DNAI1: variants seen among roughly 807,000 people sequenced by gnomAD.
DNAI1 encodes dynein axonemal intermediate chain 1.
A neutral mutation model predicts 92.0 loss-of-function variants in DNAI1; 67 were observed. The ratio of observed to expected loss-of-function variants is 0.73; its 90% confidence interval spans 0.60 to 0.89. DNAI1 has a LOEUF of 0.89. DNAI1 is among the 40% of genes least tolerant of loss of function. DNAI1 has a pLI of 0.00. For missense variants in DNAI1, 839 were observed against 866.6 expected, an observed-to-expected ratio of 0.97 and a Z score of 0.40; for synonymous variants, 323 against 319.6, an observed-to-expected ratio of 1.01 and a Z score of -0.11.
In DNAI1 at chr9:34,491,568, C is replaced by A. The variant is rs773719732; in HGVS notation, c.681+14C>A. The A allele has an allele frequency of 6.2e-7, 1 of 1,614,094 alleles. No individual in the cohort carries two copies. Among genetic ancestry groups the A allele is most frequent in the Admixed American group, 1.7e-5 (1 of 60,030 alleles). The stretch of plus-strand genomic sequence containing the variant: ...ACAGCCAATCAGGTAAGACCCTGGG[C>A]CAGCCTGAAACCTCTTACCACCCAC... On this transcript the variant is annotated intron_variant, in intron 8 of 19. Coordinates refer to ENST00000242317, the MANE Select transcript of DNAI1 (RefSeq NM_012144.4).
At chr9:34,484,585 T>C (rs1824435030) in intron 2 of DNAI1, among the ~76,000 whole-genome samples, 1 of 152,242 alleles carries the variant, frequency 6.6e-6, no homozygotes, top group South Asian at 2.1e-4. Flanking sequence ...TTTGGCAACA[T>C]GTTTAAGTGT....
intron 12 of DNAI1, among the ~76,000 whole-genome samples, chr9:34,503,022 G>T (rs1275259698): frequency 1.3e-5 from 2 of 152,170 alleles, no homozygotes; most frequent in Non-Finnish European, 2.9e-5. Flanking sequence ...TAGCTTTCCT[G>T]CAGTACCCTC....
intron 11 of DNAI1, 71 bp from the exon 12 acceptor site, chr9:34,501,067 T>A: frequency 1.5e-6 from 2 of 1,327,412 alleles, no homozygotes; most frequent in Non-Finnish European, 2.2e-6. Flanking sequence ...CCAGTGCCAA[T>A]GGGAAGGCCC....
intron 4 of DNAI1, among the ~76,000 whole-genome samples, chr9:34,485,972 C>T (rs1824460805): frequency 6.6e-6 from 1 of 152,130 alleles, no homozygotes; most frequent in African/African-American, 2.4e-5. Flanking sequence ...CCAGTCTCAG[C>T]GTTTCTTGAC....
At chr9:34,483,005 G>A (rs912331372) in intron 1 of DNAI1, among the ~76,000 whole-genome samples, 4 of 152,212 alleles carry the variant, frequency 2.6e-5, no homozygotes, top group Non-Finnish European at 4.4e-5. Context: ...CCACTGGCCC[G>A]GGTGCTAAGT....
chr9:34,483,496 A>ACC lies in DNAI1; in HGVS notation c.81+17_81+18dup, dbSNP rs779274308. On this transcript the variant is annotated intron_variant, in intron 2 of 19. Transcript: ENST00000242317. ...CAGGAAGAGAGTAAGTGCTGAGACTACCATGGTCTCTCAGCAAGATGCTAA... is the reference window on the plus strand; with the variant it reads ...CAGGAAGAGAGTAAGTGCTGAGACTACCCCATGGTCTCTCAGCAAGATGCTAA... 5 of 1,607,950 alleles carry ACC rather than the reference A, an allele frequency of 3.1e-6. No homozygotes were observed. The highest frequency in any genetic ancestry group is 4.3e-6 in the Non-Finnish European group (5 of 1,176,242).
intron 5 of DNAI1, 52 bp from the exon 6 acceptor site, chr9:34,489,960 A>C (rs1824551467): frequency 6.2e-7 from 1 of 1,603,972 alleles, no homozygotes; most frequent in African/African-American, 1.3e-5. Flanking sequence ...TCCCTGCCAC[A>C]GATTGGGAGA....
chr9:34,489,783 A>G (rs889584608), intron 5 of DNAI1, among the ~76,000 whole-genome samples: 1 of 152,104 alleles, frequency 6.6e-6, no homozygotes, highest in Non-Finnish European at 1.5e-5. Flanking sequence ...TGGGAGGCAG[A>G]GGTTGCAGTG....
chr9:34,468,412 A>AT (rs1485280006), intron 1 of DNAI1, among the ~76,000 whole-genome samples: 1 of 149,408 alleles, frequency 6.7e-6, no homozygotes, highest in African/African-American at 2.5e-5. Flanking sequence ...GATGGTCTCG[A>AT]TCTCCTAACC....
chr9:34,485,632 G>C, intron 4 of DNAI1, 115 bp downstream of exon 4: 1 of 992,006 alleles, frequency 1.0e-6, no homozygotes, highest in East Asian at 2.6e-5. Flanking sequence ...TTTAAACTGA[G>C]GTCCTTGGCT....
chr9:34,506,372 T>C (rs1192265274), intron 12 of DNAI1, among the ~76,000 whole-genome samples: 6 of 152,186 alleles, frequency 3.9e-5, no homozygotes, highest in Non-Finnish European at 8.8e-5. Context: ...TTCCTGCACC[T>C]TGGGGAGAAT....
intron 19 of DNAI1, among the ~76,000 whole-genome samples, chr9:34,518,331 G>C (rs1825209035): frequency 6.6e-6 from 1 of 152,228 alleles, no homozygotes; most frequent in South Asian, 2.1e-4. Context: ...TCCCTGCACT[G>C]TGCTCCTACC....
In DNAI1 at chr9:34,492,496, A is replaced by AGATATAGATATAGATATC. The variant is rs1564033875; in HGVS notation, c.682-698_682-697insGATATAGATATAGATATC. ...GGGGTGGGGGTGGGGATATGAAGAT[A>AGATATAGATATAGATATC]TATATATATATATATATATATATAT... is the stretch of plus-strand genomic sequence containing the variant. On this transcript the variant is annotated intron_variant, in intron 8 of 19. Coordinates refer to ENST00000242317, the MANE Select transcript of DNAI1 (RefSeq NM_012144.4). 2.9e-3 allele frequency among the ~76,000 whole-genome samples: 66 copies of AGATATAGATATAGATATC among 22,970 alleles called. 3 individuals carry two copies. The highest frequency in any genetic ancestry group is 0.013 in the Middle Eastern group (1 of 76). The allele number at this position is 22,970 out of a possible 152,430, so 15.1% of individuals were successfully genotyped here.
intron 5 of DNAI1, 43 bp downstream of exon 5, chr9:34,489,492 T>A (rs1824538396): frequency 6.2e-7 from 1 of 1,610,224 alleles, no homozygotes; most frequent in African/African-American, 1.3e-5. Flanking sequence ...CTGAGCCTGT[T>A]CCCCTTATTC....
intron 13 of DNAI1, among the ~76,000 whole-genome samples, chr9:34,510,350 T>G (rs547339699): frequency 2.4e-4 from 36 of 151,644 alleles, no homozygotes; most frequent in African/African-American, 8.7e-4. Flanking sequence ...CTCTGTGGGG[T>G]GTGTGTGTGT....
intron 18 of DNAI1, among the ~76,000 whole-genome samples, chr9:34,516,022 G>A (rs1052472813): frequency 1.3e-5 from 2 of 152,234 alleles, no homozygotes; most frequent in African/African-American, 4.8e-5. Flanking sequence ...TAAAAGGACT[G>A]GGTGGTCTGT....
chr9:34,513,000 G>A (rs933719684), intron 15 of DNAI1, 112 bp from the exon 16 acceptor site: 6 of 886,294 alleles, frequency 6.8e-6, no homozygotes, highest in African/African-American at 4.9e-5. Context: ...TCTGTCCTGC[G>A]CTGAGTCCTG....
chr9:34,514,785 GGT>G, intron 18 of DNAI1, 46 bp downstream of exon 18: 1 of 1,596,940 alleles, frequency 6.3e-7, no homozygotes, highest in Non-Finnish European at 8.6e-7. Flanking sequence ...CTGGAGATCA[GGT>G]GTGTTATCTC....
At position 34,490,114 on chromosome 9, in the gene DNAI1, C is replaced by G; in HGVS notation, c.491C>G (p.Pro164Arg). ...ETEPGSQTDV[P>R]AAGAAEKVTE... The stretch of plus-strand genomic sequence containing the variant: ...GAGCCTGGGAGTCAAACAGATGTGC[C>G]TGCAGCTGGGGTACAGTATAATATC... The change falls in exon 6 of 20, where the codon CCT becomes CGT. Residue 164 changes from proline to arginine, a missense_variant. Pro to Arg is a moderately radical substitution (Grantham distance 103, BLOSUM62 -2). Transcript: ENST00000242317. 6.2e-7 allele frequency: 1 copy of G among 1,614,032 alleles called. No individual in the cohort carries two copies. The highest frequency in any genetic ancestry group is 1.1e-5 in the South Asian group (1 of 91,062).
Sources: gnomAD v4.1 joint callset for allele counts (sites outside exome capture counted in the v4.1 genomes callset) on GRCh38, gnomAD v4.1.1 for gene constraint, MANE v1.5 for transcripts, NCBI Gene and HGNC (gene_info 2026-07-23, HGNC 2026-07-21) for gene names.